The following PODXL variants were observed in gnomAD, a reference collection of about 807,000 sequenced individuals.
The protein encoded by PODXL is podocalyxin like, also known as podocalyxin.
PODXL carries 20 observed loss-of-function variants against 48.9 expected under a neutral mutation model. The observed-to-expected ratio is 0.41, with a 90% CI of 0.29 to 0.59. PODXL has a LOEUF of 0.59. Among genes scored for constraint, PODXL ranks in the 20% least tolerant of loss-of-function variants. PODXL has a pLI of 0.31. For synonymous variants in PODXL, 295 were observed against 287.4 expected (o/e 1.03, Z -0.27); for missense variants, 606 against 675.1 (o/e 0.90, Z 1.13).
intron 1 of PODXL, among the ~76,000 whole-genome samples, chr7:131,527,040 A>AC (rs2116826542): frequency 6.6e-6 from 1 of 152,260 alleles, no homozygotes; most frequent in South Asian, 2.1e-4. Flanking sequence ...CACCTGGCCC[A>AC]CAACTTCTAA....
chr7:131,547,703 C>T lies in PODXL; in HGVS notation c.100+8557G>A, dbSNP rs79342334. ...TACGGAACAGTTAAAAGTAGGCCTT[C>T]GTGAAGAGGATGGACGTAAAACTCC... On this transcript the variant is annotated intron_variant, in intron 1 of 8. Transcript: ENST00000378555. Among the ~76,000 whole-genome samples, 405 of 152,264 alleles carry T rather than the reference C, an allele frequency of 2.7e-3. 4 individuals are homozygous for T. The highest frequency in any genetic ancestry group is 9.3e-3 in the African/African-American group (388 of 41,556).
At position 131,503,195 on chromosome 7, in the gene PODXL, T is replaced by C. The variant is rs1177288626; in HGVS notation, c.*1116A>G. ...TTCCTATGATATACAGGGGAAAGCC[T>C]GTCCTTCCTGGCTGCTTTAATGGAT... On this transcript the variant is annotated 3_prime_UTR_variant, in exon 9 of 9. Coordinates refer to ENST00000378555, the MANE Select transcript of PODXL (RefSeq NM_001018111.3). The C allele has an allele frequency of 6.5e-6, 1 of 152,696 alleles. No homozygotes were observed. Among genetic ancestry groups the C allele is most frequent in the Non-Finnish European group, 1.5e-5 (1 of 68,058 alleles). 9.5% of individuals were successfully genotyped at this position (152,696 alleles called of 1,614,324 possible). A position where few individuals can be genotyped will look rare whatever the true frequency, so the allele number is the denominator to read the frequency against.
At chr7:131,512,079 A>G (rs1797922479) in intron 1 of PODXL, among the ~76,000 whole-genome samples, 1 of 152,224 alleles carries the variant, frequency 6.6e-6, no homozygotes, top group Admixed American at 6.5e-5. Flanking sequence ...CATGGAAGTT[A>G]TATCTAGGAG....
Position 131,516,267 on chromosome 7 carries a change from A to C in PODXL, c.101-4834T>G, listed in dbSNP as rs141627127. ...GAAGAAATGAAAGTCTTGGCTGGGC[A>C]CGGTGGCTCACGCCTGTAATCCCAG... On this transcript the variant is annotated intron_variant, in intron 1 of 8. Coordinates refer to ENST00000378555, the MANE Select transcript of PODXL (RefSeq NM_001018111.3). Among the ~76,000 whole-genome samples, 970 of 152,340 alleles carry C rather than the reference A, an allele frequency of 6.4e-3. 7 individuals are homozygous for C. The highest frequency in any genetic ancestry group is 0.021 in the African/African-American group (893 of 41,572).
At chr7:131,507,979 C>T (rs1050603610) in intron 5 of PODXL, among the ~76,000 whole-genome samples, 1 of 152,188 alleles carries the variant, frequency 6.6e-6, no homozygotes, top group African/African-American at 2.4e-5. Context: ...CTATAGACAC[C>T]GTGTTCAGGT....
At chr7:131,525,426 CAAAAAAAAAAAAAAA>C (rs57927217) in intron 1 of PODXL, among the ~76,000 whole-genome samples, 3 of 59,248 alleles carry the variant, frequency 5.1e-5, no homozygotes, top group Admixed American at 2.8e-4. Flanking sequence ...TCATCTCTAC[CAAAAAAAAAAAAAAA>C]AAAAAAAAAA....
chr7:131,503,570 G>T lies in PODXL; in HGVS notation c.*741C>A, dbSNP rs994374027. The T allele has an allele frequency of 6.6e-6, 1 of 152,326 alleles. No homozygotes were observed. The highest frequency in any genetic ancestry group is 2.4e-5 in the African/African-American group (1 of 41,436). The allele number at this position is 152,326 out of a possible 1,614,324, so 9.4% of individuals were successfully genotyped here. A position where few individuals can be genotyped will look rare whatever the true frequency, so the allele number is the denominator to read the frequency against. ...TGGTTCACGCACGGAGACCTGTGTG[G>T]GTTAAGCCCCCATCTCACGAAGCAA... On this transcript the variant is annotated 3_prime_UTR_variant, in exon 9 of 9. Coordinates refer to ENST00000378555, the MANE Select transcript of PODXL (RefSeq NM_001018111.3).
intron 1 of PODXL, among the ~76,000 whole-genome samples, chr7:131,531,396 G>A (rs1798277988): frequency 6.6e-6 from 1 of 152,174 alleles, no homozygotes; most frequent in Non-Finnish European, 1.5e-5. Flanking sequence ...GTCTGCAGAG[G>A]ACAGCATGGG....
At chr7:131,523,410 T>C (rs912412607) in intron 1 of PODXL, among the ~76,000 whole-genome samples, 1 of 152,098 alleles carries the variant, frequency 6.6e-6, no homozygotes, top group Non-Finnish European at 1.5e-5. Flanking sequence ...GAGCCGGGCA[T>C]GGTGGCTCAC....
At chr7:131,528,888 G>A (rs912398693) in intron 1 of PODXL, among the ~76,000 whole-genome samples, 4 of 152,172 alleles carry the variant, frequency 2.6e-5, no homozygotes, top group African/African-American at 9.7e-5. Flanking sequence ...GGGGCTGACA[G>A]GCAATGAGGA....
intron 1 of PODXL, among the ~76,000 whole-genome samples, chr7:131,550,774 C>T (rs1234860258): frequency 1.3e-5 from 2 of 151,978 alleles, no homozygotes; most frequent in African/African-American, 4.8e-5. Context: ...CATGCACACA[C>T]ATACATGCAC....
chr7:131,510,010 G>A (rs1051925644), intron 3 of PODXL, among the ~76,000 whole-genome samples: 2 of 152,184 alleles, frequency 1.3e-5, no homozygotes, highest in Admixed American at 6.5e-5. Flanking sequence ...GCACCCTCCT[G>A]TGGAGCGGTG....
intron 1 of PODXL, among the ~76,000 whole-genome samples, chr7:131,511,804 A>T (rs1425329702): frequency 6.6e-6 from 1 of 152,152 alleles, no homozygotes; most frequent in Non-Finnish European, 1.5e-5. Context: ...CAGAAAAGCA[A>T]AATTCTGCTG....
In PODXL at chr7:131,556,547, C is replaced by A; in HGVS notation, c.-188G>T. On this transcript the variant is annotated 5_prime_UTR_variant, in exon 1 of 9. Transcript: ENST00000378555. ...TCCCTGCCGCTGCAGCAGAGCCGGG[C>A]TGGGGCGCAGAGCCAGTGGCAGAGG... 1.6e-6 allele frequency: 1 copy of A among 644,908 alleles called. No homozygotes were observed. Among genetic ancestry groups the A allele is most frequent in the Non-Finnish European group, 2.2e-6 (1 of 457,618 alleles). 39.9% of individuals were successfully genotyped at this position (644,908 alleles called of 1,614,324 possible).
chr7:131,511,062 A>C lies in PODXL; in HGVS notation c.472T>G (p.Ser158Ala), dbSNP rs1562904669. The C allele has an allele frequency of 6.2e-7, 1 of 1,613,462 alleles. No homozygotes were observed. The highest frequency in any genetic ancestry group is 2.2e-5 in the East Asian group (1 of 44,838). ...ACACTGTGGCTGCTTTTCCCCCCAG[A>C]GTTTGTTGTATCTTCTGCTCCATTC... is the stretch of plus-strand genomic sequence containing the variant. ...SQNGAEDTTNSGGKSSHSVTT... is the reference protein window; with the variant it reads ...SQNGAEDTTNAGGKSSHSVTT... Residue 158 changes from serine to alanine, a missense_variant, in exon 2 of 9, where the codon TCT (serine) becomes GCT (alanine). Physicochemically the swap from Ser to Ala is moderately conservative, Grantham distance 99. Coordinates refer to ENST00000378555, the MANE Select transcript of PODXL (RefSeq NM_001018111.3).
At chr7:131,524,372 A>ACGCG (rs201029686) in intron 1 of PODXL, among the ~76,000 whole-genome samples, 2 of 73,636 alleles carry the variant, frequency 2.7e-5, no homozygotes, top group Non-Finnish European at 5.8e-5. Flanking sequence ...GCACACACAC[A>ACGCG]CACACACAGA....
intron 1 of PODXL, among the ~76,000 whole-genome samples, chr7:131,536,457 A>AC (rs1022603151): frequency 2.7e-4 from 41 of 152,142 alleles, no homozygotes; most frequent in African/African-American, 8.9e-4. Flanking sequence ...CCTGCACAGA[A>AC]CCCAGTCCCA....
At chr7:131,525,169 C>G (rs559900522) in intron 1 of PODXL, among the ~76,000 whole-genome samples, 2 of 152,234 alleles carry the variant, frequency 1.3e-5, no homozygotes, top group Admixed American at 1.3e-4. Context: ...TCTGTTGAAA[C>G]CCAAAGATTT....
chr7:131,532,495 T>G (rs1219699062), intron 1 of PODXL, among the ~76,000 whole-genome samples: 1 of 132,050 alleles, frequency 7.6e-6, no homozygotes, highest in Non-Finnish European at 1.6e-5. Flanking sequence ...TTCCAGAGAT[T>G]TTTACTTGTA....
Sources: gnomAD v4.1 joint callset for allele counts (sites outside exome capture counted in the v4.1 genomes callset) on GRCh38, gnomAD v4.1.1 for gene constraint, MANE v1.5 for transcripts, NCBI Gene and HGNC (gene_info 2026-07-23, HGNC 2026-07-21) for gene names.